Variants in SLC35F4 observed in about 807,000 individuals in gnomAD.
SLC35F4 encodes the protein chromosome 14 open reading frame 36.
SLC35F4 carries 24 observed loss-of-function variants against 44.2 expected under a neutral mutation model. The observed-to-expected ratio is 0.54, with a 90% CI of 0.39 to 0.76. The LOEUF is 0.76. Among genes scored for constraint, SLC35F4 ranks in the 30% least tolerant of loss-of-function variants. The pLI is 0.00. For missense variants in SLC35F4, 562 were observed against 586.1 expected (o/e 0.96, Z 0.42); for synonymous variants, 238 against 223.6 (o/e 1.06, Z -0.57).
chr14:57,569,339 A>G (rs145963020), intron 6 of SLC35F4, among the ~76,000 whole-genome samples: 128 of 152,164 alleles, frequency 8.4e-4, no homozygotes, highest in African/African-American at 3.1e-3. Context: ...CTTCCCTCTT[A>G]AATAGCATCT....
chr14:57,846,005 A>C (rs1885990225), intron 1 of SLC35F4, among the ~76,000 whole-genome samples: 1 of 152,328 alleles, frequency 6.6e-6, no homozygotes, highest in South Asian at 2.1e-4. Flanking sequence ...CAGCTTTATT[A>C]AATACTGCAC....
At chr14:57,633,420 C>A (rs937070982) in intron 1 of SLC35F4, among the ~76,000 whole-genome samples, 1 of 152,112 alleles carries the variant, frequency 6.6e-6, no homozygotes, top group South Asian at 2.1e-4. Context: ...TGATTTTGGC[C>A]ATTCTAATAG....
intron 1 of SLC35F4, among the ~76,000 whole-genome samples, chr14:57,860,217 C>A (rs963610928): frequency 6.6e-6 from 1 of 151,996 alleles, no homozygotes; most frequent in Non-Finnish European, 1.5e-5. Flanking sequence ...AGAGCTGGTA[C>A]CCAAGTAAAA....
chr14:57,563,931 T>C lies in SLC35F4; in HGVS notation c.*204A>G, dbSNP rs555357386. The C allele has an allele frequency of 1.9e-4, 113 of 584,042 alleles. No individual in the cohort carries two copies. The African/African-American group carries it at 2.0e-3, about 10-fold the overall frequency. The allele number at this position is 584,042 out of a possible 1,614,324, so 36.2% of individuals were successfully genotyped here. A position where few individuals can be genotyped will look rare whatever the true frequency, so the allele number is the denominator to read the frequency against. ...AATCAGAAAACAGAACAAGGACAAA[T>C]GTGTTTTAATAAAAAAATCCATTAT... On this transcript the variant is annotated 3_prime_UTR_variant, in exon 8 of 8. Transcript: ENST00000556826.
chr14:57,927,885 G>A (rs1288222284), intron 1 of SLC35F4, among the ~76,000 whole-genome samples: 1 of 151,896 alleles, frequency 6.6e-6, no homozygotes, highest in Non-Finnish European at 1.5e-5. Flanking sequence ...TTCCTACTAT[G>A]CCTCATGTTT....
At chr14:57,612,234 G>C (rs1402538953) in intron 1 of SLC35F4, among the ~76,000 whole-genome samples, 1 of 152,122 alleles carries the variant, frequency 6.6e-6, no homozygotes, top group Non-Finnish European at 1.5e-5. Context: ...CTGGACAACA[G>C]AGTGAGATCC....
intron 1 of SLC35F4, among the ~76,000 whole-genome samples, chr14:57,918,785 T>C (rs910404817): frequency 2.6e-5 from 4 of 152,006 alleles, no homozygotes; most frequent in Non-Finnish European, 5.9e-5. Flanking sequence ...TAAGACAGGA[T>C]TGGGGTCCAG....
At chr14:57,632,892 A>C (rs1484388440) in intron 1 of SLC35F4, among the ~76,000 whole-genome samples, 2 of 151,756 alleles carry the variant, frequency 1.3e-5, no homozygotes, top group Non-Finnish European at 2.9e-5. Flanking sequence ...CTCCCTATCC[A>C]TCCCTCCCTC....
At chr14:57,720,887 T>A (rs2076068021) in intron 1 of SLC35F4, among the ~76,000 whole-genome samples, 1 of 150,998 alleles carries the variant, frequency 6.6e-6, no homozygotes, top group Non-Finnish European at 1.5e-5. Context: ...TTCAAGTTCT[T>A]CAGTTTTGGG....
At chr14:57,777,983 A>G (rs2077531171) in intron 1 of SLC35F4, among the ~76,000 whole-genome samples, 1 of 152,170 alleles carries the variant, frequency 6.6e-6, no homozygotes, top group South Asian at 2.1e-4. Flanking sequence ...CCCAAATCTC[A>G]TCTTGAATTG....
chr14:57,630,005 C>T (rs1248185235), intron 1 of SLC35F4: 2 of 531,470 alleles, frequency 3.8e-6, no homozygotes, highest in African/African-American at 3.9e-5. Flanking sequence ...CATTATGGTC[C>T]TATAGTTGAT....
chr14:57,586,074 A>G lies in SLC35F4; in HGVS notation c.587+3142T>C, dbSNP rs367783958. ...GAGGCATCACACGACCTGACATCAA[A>G]CTATACTACAAGGCTACAGTAACCA... On this transcript the variant is annotated intron_variant, in intron 3 of 7. Transcript: ENST00000556826. Among the ~76,000 whole-genome samples, 5 of 152,194 alleles carry G rather than the reference A, an allele frequency of 3.3e-5. No homozygotes were observed. In the South Asian group the frequency reaches 1.0e-3, roughly 32 times the overall value.
intron 1 of SLC35F4, among the ~76,000 whole-genome samples, chr14:57,662,806 C>G (rs574399647): frequency 1.3e-5 from 2 of 152,268 alleles, no homozygotes; most frequent in East Asian, 3.9e-4. Context: ...TCCTTTTCCA[C>G]CTGTTATTCC....
intron 1 of SLC35F4, among the ~76,000 whole-genome samples, chr14:57,611,022 A>G (rs115891018): frequency 0.028 from 4,290 of 152,344 alleles, 78 homozygotes; most frequent in Middle Eastern, 0.054. Context: ...GTCTAGTTAC[A>G]TAAGGTTGTG....
At chr14:57,885,649 C>A (rs1164907974) in intron 1 of SLC35F4, among the ~76,000 whole-genome samples, 1 of 152,176 alleles carries the variant, frequency 6.6e-6, no homozygotes, top group Non-Finnish European at 1.5e-5. Context: ...GTTGCACTGG[C>A]CACATTTAAA....
At chr14:57,643,206 G>C (rs1275716323) in intron 1 of SLC35F4, among the ~76,000 whole-genome samples, 1 of 151,886 alleles carries the variant, frequency 6.6e-6, no homozygotes, top group Non-Finnish European at 1.5e-5. Context: ...ACAGTAATTT[G>C]ACAGCTAATG....
At chr14:57,966,953 T>C (rs952195780) in intron 1 of SLC35F4, among the ~76,000 whole-genome samples, 1 of 151,502 alleles carries the variant, frequency 6.6e-6, no homozygotes, top group Admixed American at 6.6e-5. Flanking sequence ...GAGATTGCAG[T>C]GAACTGAGAT....
intron 1 of SLC35F4, among the ~76,000 whole-genome samples, chr14:57,893,722 C>T (rs760907816): frequency 6.6e-6 from 1 of 152,174 alleles, no homozygotes; most frequent in Non-Finnish European, 1.5e-5. Context: ...AAGTTTCAAT[C>T]CCAACCAACT....
chr14:57,586,362 A>G (rs532493687), intron 3 of SLC35F4, among the ~76,000 whole-genome samples: 70 of 152,286 alleles, frequency 4.6e-4, no homozygotes, highest in African/African-American at 1.6e-3. Context: ...TAAGACCTAA[A>G]ACCATAAAAA....
Sources: gnomAD v4.1 joint callset for allele counts (sites outside exome capture counted in the v4.1 genomes callset) on GRCh38, gnomAD v4.1.1 for gene constraint, MANE v1.5 for transcripts, NCBI Gene and HGNC (gene_info 2026-07-23, HGNC 2026-07-21) for gene names.